Variants in ROBO2 observed in about 807,000 individuals in gnomAD.
The protein encoded by ROBO2 is roundabout homolog 2.
In ROBO2, 53 loss-of-function variants were observed where a neutral mutation model predicts 160.8. The observed-to-expected ratio is 0.33, with a 90% CI of 0.26 to 0.41. The LOEUF is 0.41. ROBO2 is among the 10% of genes least tolerant of loss of function. The probability of loss-of-function intolerance (pLI) is 1.00; values close to 1 mark genes in which losing one functional copy is unlikely to be tolerated. For synonymous variants in ROBO2, 664 were observed against 611.7 expected (o/e 1.09, Z -1.26); for missense variants, 1,577 against 1,722.4 (o/e 0.92, Z 1.49).
At chr3:77,358,224 T>C (rs1201356068) in intron 2 of ROBO2, among the ~76,000 whole-genome samples, 1 of 152,180 alleles carries the variant, frequency 6.6e-6, no homozygotes, top group Non-Finnish European at 1.5e-5. Context: ...GTAGACTCTT[T>C]CCATGCCTTT....
chr3:77,354,292 C>T (rs1272313520), intron 2 of ROBO2, among the ~76,000 whole-genome samples: 1 of 152,148 alleles, frequency 6.6e-6, no homozygotes, highest in African/African-American at 2.4e-5. Context: ...TACAGATCAA[C>T]CTAGAGCACA....
chr3:76,991,831 C>T (rs2060681792), intron 2 of ROBO2, among the ~76,000 whole-genome samples: 1 of 152,042 alleles, frequency 6.6e-6, no homozygotes, highest in Admixed American at 6.6e-5. Flanking sequence ...GTTCAAAAAC[C>T]TCTGAATTTG....
At chr3:76,206,272 A>G (rs1045669628) in intron 2 of ROBO2, among the ~76,000 whole-genome samples, 4 of 151,566 alleles carry the variant, frequency 2.6e-5, no homozygotes, top group African/African-American at 7.3e-5. Context: ...CTCATTTACT[A>G]TTTTCTAAAT....
intron 2 of ROBO2, among the ~76,000 whole-genome samples, chr3:77,100,447 A>G (rs1490948059): frequency 6.6e-6 from 1 of 152,072 alleles, no homozygotes; most frequent in East Asian, 1.9e-4. Context: ...TAATATGGAA[A>G]TTTGGGTTAA....
intron 2 of ROBO2, among the ~76,000 whole-genome samples, chr3:76,383,781 C>T (rs575768388): frequency 1.6e-4 from 25 of 151,916 alleles, no homozygotes; most frequent in Non-Finnish European, 3.4e-4. Context: ...AATCAAATAA[C>T]CCCTGACAAC....
intron 17 of ROBO2, among the ~76,000 whole-genome samples, chr3:77,590,733 T>C (rs1559679434): frequency 6.6e-6 from 1 of 152,144 alleles, no homozygotes; most frequent in Non-Finnish European, 1.5e-5. Context: ...ATAAATAAAA[T>C]ATCTCTCATA....
At chr3:76,622,242 GAAAGA>G (rs751795026) in intron 2 of ROBO2, among the ~76,000 whole-genome samples, 530 of 91,556 alleles carry the variant, frequency 5.8e-3, no homozygotes, top group Middle Eastern at 0.01. Flanking sequence ...AAGGAAGAAA[GAAAGA>G]AAGAAAGAAA....
chr3:76,493,360 T>TATATATATATATATATATATA lies in ROBO2; in HGVS notation c.109+555763_109+555764insTATATATATATATATAATATA, dbSNP rs1431991929. On this transcript the variant is annotated intron_variant, in intron 2 of 26. Coordinates refer to the ROBO2 transcript ENST00000487694. Reference sequence around the variant, plus strand: ...AATTATATATATATATATATATATATATATAATTGTATATACATGTACAAA... The same window carrying TATATATATATATATATATATA: ...AATTATATATATATATATATATATATATATATATATATATATATATAATATAATTGTATATACATGTACAAA... Among the ~76,000 whole-genome samples the TATATATATATATATATATATA allele has an allele frequency of 1.2e-3, 169 of 138,872 alleles. 2 individuals are homozygous for TATATATATATATATATATATA. Among genetic ancestry groups the TATATATATATATATATATATA allele is most frequent in the African/African-American group, 4.3e-3 (164 of 38,202 alleles). The allele number at this position is 138,872 out of a possible 152,430, so 91.1% of individuals were successfully genotyped here. A position where few individuals can be genotyped will look rare whatever the true frequency, so the allele number is the denominator to read the frequency against.
At chr3:77,481,042 T>G in intron 3 of ROBO2, 57 bp from the exon 4 acceptor site, 1 of 1,433,536 alleles carries the variant, frequency 7.0e-7, no homozygotes, top group Non-Finnish European at 9.8e-7. Context: ...ATGACCTTTA[T>G]TTTCTATTCT....
At chr3:76,732,100 G>A (rs2093646166) in intron 2 of ROBO2, among the ~76,000 whole-genome samples, 1 of 152,088 alleles carries the variant, frequency 6.6e-6, no homozygotes, top group Non-Finnish European at 1.5e-5. Flanking sequence ...GAAACTGGAA[G>A]GAAGGAATGG....
chr3:76,416,682 C>T (rs2075770529), intron 2 of ROBO2, among the ~76,000 whole-genome samples: 1 of 152,124 alleles, frequency 6.6e-6, no homozygotes, highest in African/African-American at 2.4e-5. Flanking sequence ...ATGATGACCA[C>T]AAGACACAAG....
chr3:76,867,494 G>T (rs2071503441), intron 2 of ROBO2, among the ~76,000 whole-genome samples: 1 of 152,072 alleles, frequency 6.6e-6, no homozygotes, highest in African/African-American at 2.4e-5. Flanking sequence ...CCATAGAAAT[G>T]TAAACCTTAA....
At chr3:76,010,489 C>T (rs957583000) in intron 2 of ROBO2, among the ~76,000 whole-genome samples, 2 of 152,196 alleles carry the variant, frequency 1.3e-5, no homozygotes, top group East Asian at 3.8e-4. Flanking sequence ...TCATGACCTT[C>T]AAACAGCCTA....
At position 77,360,702 on chromosome 3, in the gene ROBO2, A is replaced by G. The variant is rs567082867; in HGVS notation, c.389-116712A>G. On this transcript the variant is annotated intron_variant, in intron 2 of 25. Coordinates refer to ENST00000461745, the Ensembl canonical transcript of ROBO2. The stretch of plus-strand genomic sequence containing the variant: ...AAACTAAACATATTTTAAGAAGCCA[A>G]GTAGTTTTTATGCATACAAAGTTTC... 7.0e-4 allele frequency among the ~76,000 whole-genome samples: 106 copies of G among 152,068 alleles called. 1 individual carries two copies. Among genetic ancestry groups the G allele is most frequent in the Non-Finnish European group, 1.1e-3 (76 of 67,974 alleles).
chr3:77,411,623 A>C (rs1186196420), intron 2 of ROBO2, among the ~76,000 whole-genome samples: 1 of 152,196 alleles, frequency 6.6e-6, no homozygotes, highest in Non-Finnish European at 1.5e-5. Context: ...AAGGTGGTAA[A>C]TTGAACTTCT....
chr3:77,124,948 T>C (rs1400109375), intron 2 of ROBO2, among the ~76,000 whole-genome samples: 1 of 151,930 alleles, frequency 6.6e-6, no homozygotes, highest in Non-Finnish European at 1.5e-5. Context: ...CTGTATCTCT[T>C]CCTACCATAT....
chr3:77,105,648 T>C (rs2150134493), intron 2 of ROBO2, among the ~76,000 whole-genome samples: 1 of 152,316 alleles, frequency 6.6e-6, no homozygotes, highest in Admixed American at 6.5e-5. Flanking sequence ...TTTAAGTATG[T>C]ATAATGCTGT....
chr3:76,290,543 A>C (rs1365254707), intron 2 of ROBO2, among the ~76,000 whole-genome samples: 1 of 152,042 alleles, frequency 6.6e-6, no homozygotes, highest in Admixed American at 6.5e-5. Context: ...TCTGGCTATG[A>C]CTTCTAGGAC....
At chr3:75,928,980 C>CGT (rs60481031) in intron 1 of ROBO2, among the ~76,000 whole-genome samples, 42,859 of 93,730 alleles carry the variant, frequency 0.46, 13,386 homozygotes, top group Non-Finnish European at 0.59. Context: ...ATAAGACGTA[C>CGT]GTGTGTGTGT....
Sources: gnomAD v4.1 joint callset for allele counts (sites outside exome capture counted in the v4.1 genomes callset) on GRCh38, gnomAD v4.1.1 for gene constraint, MANE v1.5 for transcripts, NCBI Gene and HGNC (gene_info 2026-07-23, HGNC 2026-07-21) for gene names.